The following KHDRBS2 variants were observed in gnomAD, a reference collection of about 807,000 sequenced individuals.
The protein encoded by KHDRBS2 is KH RNA binding domain containing, signal transduction associated 2.
KHDRBS2 carries 26 observed loss-of-function variants against 44.3 expected under a neutral mutation model. That is an observed-to-expected ratio of 0.59 (90% CI 0.43 to 0.81). The LOEUF is 0.81. Among genes scored for constraint, KHDRBS2 ranks in the 40% least tolerant of loss-of-function variants. The pLI, the probability that KHDRBS2 is intolerant of heterozygous loss-of-function variation, is 0.00. For missense variants in KHDRBS2, 476 were observed against 433.1 expected (o/e 1.10, Z -0.88); for synonymous variants, 194 against 151.1 (o/e 1.28, Z -2.08).
chr6:61,701,332 A>AT (rs1457039558), intron 7 of KHDRBS2, among the ~76,000 whole-genome samples: 4 of 152,010 alleles, frequency 2.6e-5, no homozygotes, highest in African/African-American at 9.7e-5. Flanking sequence ...TATAATTTAA[A>AT]TTGATAGAAG....
chr6:62,100,330 G>A (rs1213785608), intron 2 of KHDRBS2, among the ~76,000 whole-genome samples: 1 of 152,184 alleles, frequency 6.6e-6, no homozygotes, highest in Non-Finnish European at 1.5e-5. Flanking sequence ...ATCTATTCCT[G>A]ATGAAGATTC....
chr6:61,609,489 T>C, the KHDRBS2 span, among the ~76,000 whole-genome samples: 1 of 152,240 alleles, frequency 6.6e-6, no homozygotes, highest in Non-Finnish European at 1.5e-5. Flanking sequence ...AGATTGCTTC[T>C]AGTGCATATA....
intron 2 of KHDRBS2, among the ~76,000 whole-genome samples, chr6:62,131,819 A>T (rs1411040645): frequency 6.6e-6 from 1 of 152,216 alleles, no homozygotes; most frequent in Non-Finnish European, 1.5e-5. Flanking sequence ...AATACATGTT[A>T]TACATTTAAG....
intron 6 of KHDRBS2, among the ~76,000 whole-genome samples, chr6:61,884,700 G>T (rs1331813030): frequency 5.9e-5 from 9 of 151,998 alleles, no homozygotes. Flanking sequence ...GTTACACTAT[G>T]TAACCTTTGT....
chr6:61,585,309 T>C, the KHDRBS2 span, among the ~76,000 whole-genome samples: 3 of 151,998 alleles, frequency 2.0e-5, no homozygotes, highest in Non-Finnish European at 4.4e-5. Context: ...AAAATGGTAC[T>C]TCATCATTTG....
At chr6:61,930,509 C>A (rs1420183440) in intron 4 of KHDRBS2, among the ~76,000 whole-genome samples, 1 of 109,392 alleles carries the variant, frequency 9.1e-6, no homozygotes, top group African/African-American at 3.7e-5. Context: ...TGATAATGGA[C>A]CCTATACCGC....
intron 6 of KHDRBS2, among the ~76,000 whole-genome samples, chr6:61,882,493 G>A (rs1931817): frequency 0.043 from 6,514 of 152,034 alleles, 190 homozygotes; most frequent in Middle Eastern, 0.085. Flanking sequence ...TGAGGCAGAA[G>A]GAATAAACGA....
intron 6 of KHDRBS2, among the ~76,000 whole-genome samples, chr6:61,892,492 C>T (rs1200145060): frequency 6.6e-6 from 1 of 152,204 alleles, no homozygotes; most frequent in African/African-American, 2.4e-5. Flanking sequence ...TGCTACCTGA[C>T]TTCAAACTAT....
At chr6:62,202,983 T>C (rs1827286590) in intron 1 of KHDRBS2, among the ~76,000 whole-genome samples, 2 of 152,170 alleles carry the variant, frequency 1.3e-5, no homozygotes, top group South Asian at 4.1e-4. Flanking sequence ...CTCAAAAGAA[T>C]GCAATCTCTG....
chr6:61,768,213 T>C (rs889047417), intron 6 of KHDRBS2, among the ~76,000 whole-genome samples: 3 of 152,172 alleles, frequency 2.0e-5, no homozygotes, highest in African/African-American at 7.2e-5. Flanking sequence ...GGAAACCTTA[T>C]GTCAAAAGCC....
intron 6 of KHDRBS2, among the ~76,000 whole-genome samples, chr6:61,834,771 G>A (rs1361562080): frequency 6.6e-6 from 1 of 151,948 alleles, no homozygotes; most frequent in Non-Finnish European, 1.5e-5. Flanking sequence ...TAATGCATAG[G>A]AGTCTTTTGT....
the KHDRBS2 span, among the ~76,000 whole-genome samples, chr6:61,667,107 C>T: frequency 6.3e-5 from 9 of 143,858 alleles, no homozygotes; most frequent in East Asian, 8.3e-4. Flanking sequence ...CATTTAAAAA[C>T]GTCAATTATC....
At chr6:61,962,483 G>T (rs1321015424) in intron 4 of KHDRBS2, among the ~76,000 whole-genome samples, 1 of 152,020 alleles carries the variant, frequency 6.6e-6, no homozygotes, top group African/African-American at 2.4e-5. Flanking sequence ...TGTGGGAGGG[G>T]TCAAAGTTTT....
At position 61,723,245 on chromosome 6, in the gene KHDRBS2, A is replaced by G. The variant is rs543852205; in HGVS notation, c.893+9437T>C. The stretch of plus-strand genomic sequence containing the variant: ...ACCCCATTCAATGGTTTGCAACCTC[A>G]AAGATCAAAGGTAGATAAGGCCACA... On this transcript the variant is annotated intron_variant, in intron 7 of 8. Transcript: ENST00000281156. Among the ~76,000 whole-genome samples, 7 of 152,268 alleles carry G rather than the reference A, an allele frequency of 4.6e-5. No individual in the cohort carries two copies. In the South Asian group the frequency reaches 1.5e-3, roughly 32 times the overall value.
At chr6:61,814,631 A>G (rs1186577889) in intron 6 of KHDRBS2, among the ~76,000 whole-genome samples, 1 of 152,000 alleles carries the variant, frequency 6.6e-6, no homozygotes, top group Admixed American at 6.6e-5. Context: ...CAAACAAAAA[A>G]CTATATATAG....
chr6:62,279,835 G>A (rs978777185), intron 1 of KHDRBS2, among the ~76,000 whole-genome samples: 1 of 152,190 alleles, frequency 6.6e-6, no homozygotes, highest in Admixed American at 6.5e-5. Context: ...GGAAGAGGTA[G>A]CAGAGGGGCC....
chr6:61,992,875 T>C (rs1426902563), intron 3 of KHDRBS2, among the ~76,000 whole-genome samples: 1 of 152,170 alleles, frequency 6.6e-6, no homozygotes, highest in East Asian at 1.9e-4. Context: ...TTTATTTTTG[T>C]AAACTTAATG....
intron 1 of KHDRBS2, among the ~76,000 whole-genome samples, chr6:62,244,428 A>C (rs2150169929): frequency 6.6e-6 from 1 of 152,262 alleles, no homozygotes; most frequent in East Asian, 1.9e-4. Flanking sequence ...CTGCTTTAAA[A>C]AACAAAGAGA....
chr6:61,982,987 C>G (rs1007637139), intron 3 of KHDRBS2, among the ~76,000 whole-genome samples: 1 of 151,712 alleles, frequency 6.6e-6, no homozygotes, highest in African/African-American at 2.4e-5. Flanking sequence ...TTCTCTTTGT[C>G]TAATTCCTTC....
Sources: gnomAD v4.1 joint callset for allele counts (sites outside exome capture counted in the v4.1 genomes callset) on GRCh38, gnomAD v4.1.1 for gene constraint, MANE v1.5 for transcripts, NCBI Gene and HGNC (gene_info 2026-07-23, HGNC 2026-07-21) for gene names.